The following FMNL2 variants were observed in gnomAD, a reference collection of about 807,000 sequenced individuals.
FMNL2 encodes formin like 2.
Under a neutral mutation model 130.2 loss-of-function variants are expected in FMNL2, and 51 were observed. That is an observed-to-expected ratio of 0.39 (90% CI 0.31 to 0.49). FMNL2 has a LOEUF of 0.49. FMNL2 is among the 20% of genes least tolerant of loss of function. The pLI, the probability that FMNL2 is intolerant of heterozygous loss-of-function variation, is 0.85. For missense variants in FMNL2, 977 were observed against 1,316.2 expected (o/e 0.74, Z 3.99); for synonymous variants, 465 against 467.1 (o/e 1.00, Z 0.06).
chr2:152,623,962 T>G (rs1681555535), intron 15 of FMNL2, among the ~76,000 whole-genome samples: 1 of 150,486 alleles, frequency 6.6e-6, no homozygotes, highest in South Asian at 2.1e-4. Flanking sequence ...AGCTGACTCC[T>G]GGGAAGAACT....
At chr2:152,639,865 A>T (rs1682933596) in intron 23 of FMNL2, 93 bp from the exon 24 acceptor site, 2 of 1,066,768 alleles carry the variant, frequency 1.9e-6, no homozygotes, top group Non-Finnish European at 2.7e-6. Context: ...GTAATTCTCA[A>T]CTCACTAAGG....
chr2:152,458,774 G>C (rs1689087648), intron 1 of FMNL2, among the ~76,000 whole-genome samples: 1 of 152,198 alleles, frequency 6.6e-6, no homozygotes, highest in Admixed American at 6.5e-5. Context: ...CTCCTTGAGG[G>C]AGGATAATTG....
chr2:152,371,852 C>T (rs2105862260), intron 1 of FMNL2, among the ~76,000 whole-genome samples: 1 of 151,938 alleles, frequency 6.6e-6, no homozygotes, highest in South Asian at 2.1e-4. Flanking sequence ...CAGACTTAGC[C>T]CCCTCACCTT....
chr2:152,505,838 T>G (rs1166730460), intron 1 of FMNL2, among the ~76,000 whole-genome samples: 2 of 152,242 alleles, frequency 1.3e-5, no homozygotes, highest in East Asian at 3.8e-4. Context: ...CTTGATTTCT[T>G]CAACATGTAA....
intron 1 of FMNL2, among the ~76,000 whole-genome samples, chr2:152,503,377 C>T (rs1379558954): frequency 6.6e-6 from 1 of 152,110 alleles, no homozygotes; most frequent in Non-Finnish European, 1.5e-5. Context: ...TTGTTGAAGG[C>T]AGGCCAGGGT....
chr2:152,597,168 G>A (rs1261378861), intron 9 of FMNL2, among the ~76,000 whole-genome samples: 3 of 152,002 alleles, frequency 2.0e-5, no homozygotes, highest in Non-Finnish European at 4.4e-5. Flanking sequence ...CCTCGTGGTG[G>A]GTACAGTTTT....
At chr2:152,471,877 A>T (rs1689877759) in intron 1 of FMNL2, among the ~76,000 whole-genome samples, 1 of 152,044 alleles carries the variant, frequency 6.6e-6, no homozygotes, top group Non-Finnish European at 1.5e-5. Flanking sequence ...GCTTTTGAAA[A>T]TTTCAAATTC....
chr2:152,518,553 A>G (rs1692902869), intron 1 of FMNL2, among the ~76,000 whole-genome samples: 1 of 152,158 alleles, frequency 6.6e-6, no homozygotes. Context: ...AGGGTCATTT[A>G]TAAATCTTAT....
chr2:152,341,762 G>A (rs1019277975), intron 1 of FMNL2, among the ~76,000 whole-genome samples: 2 of 152,204 alleles, frequency 1.3e-5, no homozygotes, highest in African/African-American at 4.8e-5. Flanking sequence ...GTGTGTAGGG[G>A]TGTTCTGTGT....
At chr2:152,485,319 C>T (rs542175149) in intron 1 of FMNL2, among the ~76,000 whole-genome samples, 3 of 152,278 alleles carry the variant, frequency 2.0e-5, no homozygotes, top group Non-Finnish European at 2.9e-5. Context: ...GATGAAACCC[C>T]GTCTCTACTA....
intron 4 of FMNL2, among the ~76,000 whole-genome samples, chr2:152,552,304 T>C (rs1427416968): frequency 6.6e-6 from 1 of 152,202 alleles, no homozygotes; most frequent in Non-Finnish European, 1.5e-5. Flanking sequence ...AGGATATACA[T>C]CTCTTATATA....
At chr2:152,381,735 G>A (rs562036955) in intron 1 of FMNL2, among the ~76,000 whole-genome samples, 11 of 152,246 alleles carry the variant, frequency 7.2e-5, no homozygotes, top group African/African-American at 2.6e-4. Flanking sequence ...TTAAAATGCA[G>A]TAATGCTTTA....
intron 2 of FMNL2, among the ~76,000 whole-genome samples, chr2:152,540,754 G>A (rs1694268964): frequency 6.6e-6 from 1 of 151,704 alleles, no homozygotes; most frequent in Admixed American, 6.6e-5. Context: ...TGACGAGTTA[G>A]TGGGTGCAGC....
chr2:152,461,522 C>G (rs1354987170), intron 1 of FMNL2, among the ~76,000 whole-genome samples: 4 of 152,130 alleles, frequency 2.6e-5, no homozygotes, highest in Non-Finnish European at 5.9e-5. Flanking sequence ...TCCAGTTATA[C>G]TTAAAAGTTT....
At chr2:152,539,525 T>G (rs1694186987) in intron 2 of FMNL2, 1 of 151,920 alleles carries the variant, frequency 6.6e-6, no homozygotes, top group South Asian at 2.1e-4. Context: ...GTGGACCAAC[T>G]GTGTTTTAAA....
In FMNL2 at chr2:152,444,836, A is replaced by C. The variant is rs929148165; in HGVS notation, c.118-77107A>C. ...CTGCTCCACCATGTGTGAGGTTACAAATGAGGTCATATGACCATCAATATT... is the reference window on the plus strand; with the variant it reads ...CTGCTCCACCATGTGTGAGGTTACACATGAGGTCATATGACCATCAATATT... On this transcript the variant is annotated intron_variant, in intron 1 of 25. Coordinates refer to ENST00000288670, the MANE Select transcript of FMNL2 (RefSeq NM_052905.4). Among the ~76,000 whole-genome samples the C allele has an allele frequency of 1.8e-4, 27 of 152,214 alleles. 1 individual carries two copies. The South Asian group carries it at 4.8e-3, about 27-fold the overall frequency.
At chr2:152,426,584 G>A (rs1054959087) in intron 1 of FMNL2, among the ~76,000 whole-genome samples, 34 of 152,164 alleles carry the variant, frequency 2.2e-4, no homozygotes, top group African/African-American at 7.5e-4. Flanking sequence ...CATCAGTGCA[G>A]ACACAGTGGT....
At chr2:152,336,098 AAAAC>A (rs1681419576) in intron 1 of FMNL2, among the ~76,000 whole-genome samples, 1 of 123,154 alleles carries the variant, frequency 8.1e-6, no homozygotes, top group African/African-American at 3.6e-5. Context: ...TAAAAAAAAC[AAAAC>A]AAAACAAAAC....
intron 1 of FMNL2, among the ~76,000 whole-genome samples, chr2:152,397,548 C>T (rs977079977): frequency 2.0e-5 from 3 of 152,190 alleles, no homozygotes; most frequent in African/African-American, 7.2e-5. Context: ...AGGACACTTT[C>T]AGGTTGTGAA....
Sources: allele counts gnomAD v4.1 joint callset (sites outside exome capture counted in the v4.1 genomes callset), GRCh38; gene constraint gnomAD v4.1.1; transcripts MANE v1.5; gene names NCBI Gene and HGNC (gene_info 2026-07-23, HGNC 2026-07-21).